PIP5K1A: variants seen among roughly 807,000 people sequenced by gnomAD.
PIP5K1A encodes the protein phosphatidylinositol-4-phosphate 5-kinase type 1 alpha.
PIP5K1A carries 46 observed loss-of-function variants against 72.9 expected under a neutral mutation model. That is an observed-to-expected ratio of 0.63 (90% CI 0.50 to 0.81). PIP5K1A has a LOEUF of 0.81. Ranked by LOEUF, PIP5K1A falls within the 30% of genes least tolerant of loss-of-function variation. The pLI is 0.00. For synonymous variants in PIP5K1A, 228 were observed against 255.1 expected (o/e 0.89, Z 1.01); for missense variants, 458 against 706.1 (o/e 0.65, Z 3.98).
intron 11 of PIP5K1A, among the ~76,000 whole-genome samples, chr1:151,239,418 G>A (rs766568316): frequency 2.6e-5 from 4 of 151,830 alleles, no homozygotes; most frequent in Admixed American, 6.6e-5. Flanking sequence ...GACCACAGGC[G>A]CGTGCCACCA....
intron 14 of PIP5K1A, among the ~76,000 whole-genome samples, chr1:151,246,173 G>A (rs1433851667): frequency 6.6e-6 from 1 of 152,090 alleles, no homozygotes; most frequent in African/African-American, 2.4e-5. Flanking sequence ...CTTGAACCCG[G>A]GAGGCAGAGG....
intron 1 of PIP5K1A, among the ~76,000 whole-genome samples, chr1:151,208,223 A>G (rs1686223933): frequency 6.6e-6 from 1 of 152,144 alleles, no homozygotes; most frequent in African/African-American, 2.4e-5. Flanking sequence ...GGACTGGTAG[A>G]TCAAATTGCT....
At position 151,249,309 on chromosome 1, in the gene PIP5K1A, T is replaced by A. The variant is rs1692893201; in HGVS notation, c.*1444T>A. The A allele has an allele frequency of 6.6e-6, 1 of 152,152 alleles. No individual in the cohort carries two copies. Among genetic ancestry groups the A allele is most frequent in the African/African-American group, 2.4e-5 (1 of 41,422 alleles). 9.4% of individuals were successfully genotyped at this position (152,152 alleles called of 1,614,324 possible). A position where few individuals can be genotyped will look rare whatever the true frequency, so the allele number is the denominator to read the frequency against. On this transcript the variant is annotated 3_prime_UTR_variant, in exon 16 of 16. Transcript: ENST00000368888. ...AATTCTTGCTATTTTTTTTTCATAATTTACTATTTATGATGTATTTAAGTG... is the reference window on the plus strand; with the variant it reads ...AATTCTTGCTATTTTTTTTTCATAAATTACTATTTATGATGTATTTAAGTG...
rs760401547 is a variant in PIP5K1A at position 151,242,216 on chromosome 1, C to T, written c.1457C>T (p.Ser486Leu). The T allele has an allele frequency of 5.6e-6, 9 of 1,613,946 alleles. No homozygotes were observed. Among genetic ancestry groups the T allele is most frequent in the South Asian group, 5.5e-5 (5 of 91,082 alleles). The change falls in exon 13 of 16, where the codon TCG becomes TTG. Residue 486 changes from serine to leucine, a missense_variant. Ser to Leu is a moderately radical substitution (Grantham distance 145). Transcript: ENST00000368888. ...AACTCCTGCATTACTTACCAGCCAT[C>T]GGTCTCTGGGGAACACAAGGCACAA... is the stretch of plus-strand genomic sequence containing the variant. ...SGNSCITYQP[S>L]VSGEHKAQVT...
At chr1:151,204,238 G>T (rs587610172) in intron 1 of PIP5K1A, among the ~76,000 whole-genome samples, 2 of 152,194 alleles carry the variant, frequency 1.3e-5, no homozygotes, top group East Asian at 3.9e-4. Flanking sequence ...GTGCAATGGC[G>T]CGATCTCGGC....
At position 151,198,713 on chromosome 1, in the gene PIP5K1A, T is replaced by G. The variant is rs1173179549; in HGVS notation, c.-284T>G. ...TGGGCGCAAGGTCCCAGCAGCCAGC[T>G]TAAGCTTACTCTTCTGTGAAAGGGG... On this transcript the variant is annotated 5_prime_UTR_variant, in exon 1 of 16. Coordinates refer to ENST00000368888, the MANE Select transcript of PIP5K1A (RefSeq NM_001135638.2). The G allele has an allele frequency of 4.0e-6, 2 of 497,910 alleles. No homozygotes were observed. The highest frequency in any genetic ancestry group is 7.3e-6 in the Non-Finnish European group (2 of 274,166). 30.8% of individuals were successfully genotyped at this position (497,910 alleles called of 1,614,324 possible).
At chr1:151,206,007 A>C (rs1295309851) in intron 1 of PIP5K1A, among the ~76,000 whole-genome samples, 1 of 152,140 alleles carries the variant, frequency 6.6e-6, no homozygotes, top group Non-Finnish European at 1.5e-5. Context: ...GGAAACCCTA[A>C]GAAGCCCGTT....
At chr1:151,239,679 C>G (rs189516708) in intron 11 of PIP5K1A, among the ~76,000 whole-genome samples, 9 of 152,304 alleles carry the variant, frequency 5.9e-5, no homozygotes, top group Admixed American at 3.3e-4. Context: ...AGGTGCCCAC[C>G]ACCATGCATG....
chr1:151,225,235 A>G (rs927332823), intron 3 of PIP5K1A, among the ~76,000 whole-genome samples: 4 of 152,120 alleles, frequency 2.6e-5, no homozygotes, highest in Non-Finnish European at 5.9e-5. Flanking sequence ...GCTTGAGCCC[A>G]GGAGGTTGAG....
chr1:151,246,925 C>T lies in PIP5K1A; in HGVS notation c.1646C>T (p.Thr549Ile), dbSNP rs774333574. 24 of 1,612,034 alleles carry T rather than the reference C, an allele frequency of 1.5e-5. No individual in the cohort carries two copies. Among genetic ancestry groups the T allele is most frequent in the Admixed American group, 3.3e-5 (2 of 59,958 alleles). ...CATTTTTTTTCTCCTGTTAGTACAA[C>T]CTTGGAAAAGCTTGAAGTTGCAGAG... ...ETLQMLTTST[T>I]LEKLEVAESE... Residue 549 changes from threonine to isoleucine, a missense_variant, in exon 15 of 16, where the codon ACC becomes ATC. Thr to Ile is a moderately conservative substitution (Grantham distance 89, BLOSUM62 -1). This residue lies in a region of PIP5K1A where 157 missense variants were observed against 175.5 expected (regional missense o/e 0.89). Coordinates refer to ENST00000368888, the MANE Select transcript of PIP5K1A (RefSeq NM_001135638.2).
Position 151,239,122 on chromosome 1 carries a change from T to C in PIP5K1A, c.1230-8T>C, listed in dbSNP as rs1438835200. On this transcript the variant is annotated splice_polypyrimidine_tract_variant and splice_region_variant and intron_variant, in intron 10 of 15. Coordinates refer to ENST00000368888, the MANE Select transcript of PIP5K1A (RefSeq NM_001135638.2). Reference sequence around the variant, plus strand: ...GACGTGAGTAGGTGATGTACATTTTTCTTGCAGGTTTGTTAAGAAGTTGGA... The same window carrying C: ...GACGTGAGTAGGTGATGTACATTTTCCTTGCAGGTTTGTTAAGAAGTTGGA... 6.2e-7 allele frequency: 1 copy of C among 1,606,666 alleles called. No individual in the cohort carries two copies. The highest frequency in any genetic ancestry group is 2.2e-5 in the East Asian group (1 of 44,852).
At chr1:151,247,728 T>G in intron 15 of PIP5K1A, 135 bp from the exon 16 acceptor site, 2 of 716,234 alleles carry the variant, frequency 2.8e-6, no homozygotes, top group Non-Finnish European at 4.8e-6. Context: ...GCGGCCGCCA[T>G]CTTGTTTTTT....
chr1:151,230,393 C>T (rs1380646923), intron 4 of PIP5K1A, among the ~76,000 whole-genome samples: 1 of 152,222 alleles, frequency 6.6e-6, no homozygotes, highest in Non-Finnish European at 1.5e-5. Flanking sequence ...TGATGCGATA[C>T]TTTCCCACGG....
chr1:151,220,103 T>A (rs911940961), intron 1 of PIP5K1A, among the ~76,000 whole-genome samples: 4 of 151,956 alleles, frequency 2.6e-5, no homozygotes, highest in African/African-American at 9.7e-5. Context: ...TCTCCCAGGT[T>A]CAAGAGATTC....
At position 151,239,276 on chromosome 1, in the gene PIP5K1A, C is replaced by CTTTTTTTT. The variant is rs587607391; in HGVS notation, c.1278+105_1278+112dup. On this transcript the variant is annotated intron_variant, in intron 11 of 15. Transcript: ENST00000368888. Reference sequence around the variant, plus strand: ...TGCAATTTTTTCTTTTTTCTTTTTTCTTTTTTTTTTTTTTGAGACAGGGTC... The same window carrying CTTTTTTTT: ...TGCAATTTTTTCTTTTTTCTTTTTTCTTTTTTTTTTTTTTTTTTTTTTGAGACAGGGTC... The CTTTTTTTT allele has an allele frequency of 7.6e-5, 46 of 606,952 alleles. No individual in the cohort carries two copies. The African/African-American group carries it at 8.4e-4, about 11-fold the overall frequency. The allele number at this position is 606,952 out of a possible 1,614,324, so 37.6% of individuals were successfully genotyped here. A position where few individuals can be genotyped will look rare whatever the true frequency, so the allele number is the denominator to read the frequency against.
intron 1 of PIP5K1A, among the ~76,000 whole-genome samples, chr1:151,211,635 AAAT>A (rs1225622564): frequency 6.7e-6 from 1 of 150,010 alleles, no homozygotes; most frequent in East Asian, 2.0e-4. Flanking sequence ...TCTCTACTAA[AAAT>A]ACAAAAAATT....
rs587721844 is a variant in PIP5K1A at position 151,198,622 on chromosome 1, G to T, written c.-375G>T. The T allele has an allele frequency of 5.1e-5, 12 of 235,786 alleles. No individual in the cohort carries two copies. The South Asian group carries it at 6.5e-4, about 13-fold the overall frequency. The allele number at this position is 235,786 out of a possible 1,614,324, so 14.6% of individuals were successfully genotyped here. A position where few individuals can be genotyped will look rare whatever the true frequency, so the allele number is the denominator to read the frequency against. On this transcript the variant is annotated 5_prime_UTR_variant, in exon 1 of 16. Coordinates refer to ENST00000368888, the MANE Select transcript of PIP5K1A (RefSeq NM_001135638.2). ...TTAACAGGCCGTGGTTAGGAAGGAC[G>T]GAGAAGGGGCGTTCGCTCCTTTGGG...
intron 1 of PIP5K1A, among the ~76,000 whole-genome samples, chr1:151,206,063 G>T (rs1373920533): frequency 2.0e-5 from 3 of 152,040 alleles, no homozygotes; most frequent in Non-Finnish European, 2.9e-5. Flanking sequence ...TCTAAACAGA[G>T]AATTTAATTT....
upstream of PIP5K1A, chr1:151,198,137 T>C (rs912846736): frequency 2.1e-6 from 1 of 468,844 alleles, no homozygotes; most frequent in Non-Finnish European, 4.4e-6. Context: ...GCACGCACGT[T>C]TAATCAAATA....
Sources: gnomAD v4.1 joint callset for allele counts (sites outside exome capture counted in the v4.1 genomes callset) on GRCh38, gnomAD v4.1.1 for gene constraint, gnomAD v4.1.1 regional missense constraint, MANE v1.5 for transcripts, NCBI Gene and HGNC (gene_info 2026-07-23, HGNC 2026-07-21) for gene names.